Variants in PRKD1 observed in about 807,000 individuals in gnomAD.
The protein encoded by PRKD1 is serine/threonine-protein kinase D1.
PRKD1 carries 63 observed loss-of-function variants against 95.9 expected under a neutral mutation model. The ratio of observed to expected loss-of-function variants is 0.66; its 90% confidence interval spans 0.54 to 0.81. PRKD1 has a LOEUF of 0.81. Among genes scored for constraint, PRKD1 ranks in the 30% least tolerant of loss-of-function variants. The probability of loss-of-function intolerance (pLI) is 0.00; values close to 1 mark genes in which losing one functional copy is unlikely to be tolerated. For synonymous variants in PRKD1, 425 were observed against 423.1 expected (o/e 1.00, Z -0.05); for missense variants, 1,048 against 1,165.3 (o/e 0.90, Z 1.47).
At position 29,638,792 on chromosome 14, in the gene PRKD1, G is replaced by A. The variant is rs1880555353; in HGVS notation, c.809C>T (p.Pro270Leu). 4 of 1,613,958 alleles carry A rather than the reference G, an allele frequency of 2.5e-6. No individual in the cohort carries two copies. The highest frequency in any genetic ancestry group is 3.4e-6 in the Non-Finnish European group (4 of 1,179,974). ...GTAGGAGTGGATGACAAATGTGTGC[G>A]GCACTTTAACTTTAGACATCAAAAT... Reference protein sequence around the residue: ...DKILMSKVKVPHTFVIHSYTR... With the variant: ...DKILMSKVKVLHTFVIHSYTR... Residue 270 changes from proline to leucine, a missense_variant, in exon 5 of 18, where the codon CCG becomes CTG. Physicochemically the swap from Pro to Leu is moderately conservative, Grantham distance 98 (BLOSUM62 -3). This residue lies in a region of PRKD1 where 739 missense variants were observed against 861.9 expected (regional missense o/e 0.86). Transcript: ENST00000331968.
At chr14:29,908,069 G>C (rs1239443616) in intron 1 of PRKD1, among the ~76,000 whole-genome samples, 1 of 147,348 alleles carries the variant, frequency 6.8e-6, no homozygotes, top group East Asian at 2.0e-4. Context: ...TTAAGTGTTG[G>C]TTATTGAATC....
At chr14:29,612,954 C>T (rs531083764) in intron 13 of PRKD1, among the ~76,000 whole-genome samples, 15 of 152,138 alleles carry the variant, frequency 9.9e-5, no homozygotes, top group East Asian at 9.7e-4. Flanking sequence ...AAAAATTAGC[C>T]GGGCTTGCTG....
intron 1 of PRKD1, among the ~76,000 whole-genome samples, chr14:29,802,503 C>G (rs934518108): frequency 6.6e-6 from 1 of 152,142 alleles, no homozygotes; most frequent in Admixed American, 6.5e-5. Context: ...ACCTGGATTA[C>G]TTTACAAGTT....
At chr14:29,906,616 G>A (rs45481699) in intron 1 of PRKD1, among the ~76,000 whole-genome samples, 2,496 of 152,268 alleles carry the variant, frequency 0.016, 46 homozygotes, top group Middle Eastern at 0.048. Context: ...AGTAACTAAG[G>A]TTATGAATTG....
At chr14:29,900,996 CA>C (rs1378812910) in intron 1 of PRKD1, among the ~76,000 whole-genome samples, 1 of 152,118 alleles carries the variant, frequency 6.6e-6, no homozygotes, top group Non-Finnish European at 1.5e-5. Context: ...GGTATATGCC[CA>C]AAAGAAAATA....
intron 1 of PRKD1, among the ~76,000 whole-genome samples, chr14:29,837,905 G>A (rs1160205194): frequency 6.6e-6 from 1 of 152,160 alleles, no homozygotes; most frequent in African/African-American, 2.4e-5. Flanking sequence ...TTGGGGTATG[G>A]TAAATTTACT....
intron 1 of PRKD1, among the ~76,000 whole-genome samples, chr14:29,806,129 C>T (rs577637721): frequency 1.4e-3 from 206 of 152,226 alleles, no homozygotes; most frequent in South Asian, 2.5e-3. Context: ...CTGGAGGACA[C>T]AAACAGTTTA....
chr14:29,610,205 T>C (rs1252144870), intron 13 of PRKD1, among the ~76,000 whole-genome samples: 2 of 151,708 alleles, frequency 1.3e-5, no homozygotes, highest in African/African-American at 2.4e-5. Context: ...ACAAAACCTA[T>C]CAAGAAAATG....
At chr14:29,864,268 T>C (rs1022764370) in intron 1 of PRKD1, among the ~76,000 whole-genome samples, 1 of 151,970 alleles carries the variant, frequency 6.6e-6, no homozygotes, top group Non-Finnish European at 1.5e-5. Flanking sequence ...AGAACATATA[T>C]ATATATTAAG....
intron 4 of PRKD1, among the ~76,000 whole-genome samples, chr14:29,648,799 C>A (rs1449552174): frequency 6.6e-6 from 1 of 152,144 alleles, no homozygotes; most frequent in East Asian, 1.9e-4. Flanking sequence ...GGACTACAGG[C>A]ACTCACCACC....
chr14:29,855,163 A>G (rs1892449530), intron 1 of PRKD1, among the ~76,000 whole-genome samples: 1 of 152,238 alleles, frequency 6.6e-6, no homozygotes, highest in African/African-American at 2.4e-5. Flanking sequence ...CATCCTCCAG[A>G]CCCCAGAATG....
At chr14:29,768,257 C>A (rs941939913) in intron 1 of PRKD1, among the ~76,000 whole-genome samples, 4 of 152,112 alleles carry the variant, frequency 2.6e-5, no homozygotes, top group Non-Finnish European at 4.4e-5. Flanking sequence ...TTGTAAAAAC[C>A]AATCCAAATT....
At chr14:29,678,793 TGCA>T in intron 2 of PRKD1, among the ~76,000 whole-genome samples, 1 of 152,204 alleles carries the variant, frequency 6.6e-6, no homozygotes. Flanking sequence ...AACATATATA[TGCA>T]GGTCTAAATT....
At chr14:29,848,889 A>G (rs966550771) in intron 1 of PRKD1, among the ~76,000 whole-genome samples, 4 of 146,462 alleles carry the variant, frequency 2.7e-5, no homozygotes, top group African/African-American at 9.7e-5. Flanking sequence ...TGGTTCTTTG[A>G]AAGGATAACA....
At chr14:29,599,222 T>C (rs1893421798) in intron 14 of PRKD1, 97 bp from the exon 15 acceptor site, 1 of 967,048 alleles carries the variant, frequency 1.0e-6, no homozygotes, top group Non-Finnish European at 1.6e-6. Context: ...ACAATGGACA[T>C]TCAAATTTCT....
At chr14:29,594,321 T>C (rs75023885) in intron 16 of PRKD1, among the ~76,000 whole-genome samples, 2,031 of 152,280 alleles carry the variant, frequency 0.013, 38 homozygotes, top group African/African-American at 0.045. Flanking sequence ...CAAAGAACAC[T>C]AAGGAATCCT....
intron 1 of PRKD1, among the ~76,000 whole-genome samples, chr14:29,816,758 C>G (rs765725359): frequency 3.3e-5 from 5 of 152,104 alleles, no homozygotes; most frequent in Non-Finnish European, 7.3e-5. Context: ...AAGCTGTCAT[C>G]CAGGATATTG....
chr14:29,692,954 T>C (rs1471333047), intron 2 of PRKD1, among the ~76,000 whole-genome samples: 1 of 152,198 alleles, frequency 6.6e-6, no homozygotes, highest in Non-Finnish European at 1.5e-5. Context: ...AAGTGAAGTA[T>C]AGGCCATATG....
intron 1 of PRKD1, among the ~76,000 whole-genome samples, chr14:29,861,382 G>C (rs994017506): frequency 2.0e-5 from 3 of 152,012 alleles, no homozygotes; most frequent in Non-Finnish European, 4.4e-5. Flanking sequence ...ACCTCTTCAA[G>C]TGTTTTTAAA....
Sources: gnomAD v4.1 joint callset for allele counts (sites outside exome capture counted in the v4.1 genomes callset) on GRCh38, gnomAD v4.1.1 for gene constraint, gnomAD v4.1.1 regional missense constraint, MANE v1.5 for transcripts, NCBI Gene and HGNC (gene_info 2026-07-23, HGNC 2026-07-21) for gene names.